Variants in AIG1 observed in about 807,000 individuals in gnomAD.
AIG1 encodes androgen induced 1, also known as androgen-induced gene 1 protein.
A neutral mutation model predicts 31.4 loss-of-function variants in AIG1; 23 were observed. The observed-to-expected ratio is 0.73, with a 90% CI of 0.53 to 1.04. AIG1 has a LOEUF of 1.04. Ranked by LOEUF, AIG1 falls within the 50% of genes least tolerant of loss-of-function variation. The pLI is 0.00. For synonymous variants in AIG1, 100 were observed against 110.5 expected (o/e 0.90, Z 0.60); for missense variants, 274 against 295.0 (o/e 0.93, Z 0.52).
chr6:143,316,955 A>C (rs1775799433), intron 4 of AIG1, among the ~76,000 whole-genome samples: 1 of 152,130 alleles, frequency 6.6e-6, no homozygotes, highest in Admixed American at 6.5e-5. Flanking sequence ...AGATTAAACC[A>C]GGAAGAAATA....
chr6:143,112,505 T>A (rs990767799), intron 1 of AIG1, among the ~76,000 whole-genome samples: 4 of 152,218 alleles, frequency 2.6e-5, no homozygotes, highest in Admixed American at 2.6e-4. Context: ...GCTCTAGAGA[T>A]GCAAAGATGA....
intron 3 of AIG1, among the ~76,000 whole-genome samples, chr6:143,215,250 A>T (rs941432032): frequency 6.6e-6 from 1 of 152,090 alleles, no homozygotes; most frequent in Non-Finnish European, 1.5e-5. Context: ...AAACATTTCC[A>T]CCCCAAAAGT....
Position 143,288,899 on chromosome 6 carries a change from A to G in AIG1, c.515+4674A>G, listed in dbSNP as rs1324593414. The stretch of plus-strand genomic sequence containing the variant: ...AAGAAGTAGTGGGTGGTTACAAGTC[A>G]TAGGTGAATTCAAAGATTTCTGTGG... On this transcript the variant is annotated intron_variant, in intron 4 of 5. Coordinates refer to ENST00000357847, the MANE Select transcript of AIG1 (RefSeq NM_016108.4). This position sits in a 1 kb window ranked among gnomAD's most constrained non-coding sequence, Gnocchi z 4.4. 1.3e-5 allele frequency among the ~76,000 whole-genome samples: 2 copies of G among 152,174 alleles called. No individual in the cohort carries two copies. The highest frequency in any genetic ancestry group is 2.9e-5 in the Non-Finnish European group (2 of 67,996).
At chr6:143,173,659 A>G (rs1787861473) in intron 3 of AIG1, among the ~76,000 whole-genome samples, 1 of 152,158 alleles carries the variant, frequency 6.6e-6, no homozygotes, top group Non-Finnish European at 1.5e-5. Flanking sequence ...ATCATTCAGG[A>G]GCAACTTCTT....
In AIG1 at chr6:143,338,085, C is replaced by T. The variant is rs775982134; in HGVS notation, c.680-1554C>T. The T allele has an allele frequency of 1.4e-4, 57 of 398,654 alleles. No individual in the cohort carries two copies. The highest frequency in any genetic ancestry group is 2.0e-4 in the Non-Finnish European group (46 of 226,118). 24.7% of individuals were successfully genotyped at this position (398,654 alleles called of 1,614,324 possible). A position where few individuals can be genotyped will look rare whatever the true frequency, so the allele number is the denominator to read the frequency against. ...ATTCCAGCACTGCTGCCAAGTCAAC[C>T]CATCTGCAGGAGAACGCTTTGGAAA... On this transcript the variant is annotated intron_variant, in intron 5 of 5. Coordinates refer to ENST00000357847, the MANE Select transcript of AIG1 (RefSeq NM_016108.4). This position sits in a 1 kb window ranked among gnomAD's most constrained non-coding sequence, Gnocchi z 4.3.
chr6:143,338,047 C>T lies in AIG1; in HGVS notation c.680-1592C>T, dbSNP rs1332662863. On this transcript the variant is annotated intron_variant, in intron 5 of 5. Coordinates refer to ENST00000357847, the MANE Select transcript of AIG1 (RefSeq NM_016108.4). The surrounding 1 kb of genome is among the most constrained non-coding windows in gnomAD (Gnocchi z 4.3). ...CAATGAATACCCCCCGTTCTCCACC[C>T]GCGCTTTTGAAGATTCCAGCACTGC... The T allele has an allele frequency of 1.8e-5, 7 of 398,532 alleles. No individual in the cohort carries two copies. Among genetic ancestry groups the T allele is most frequent in the Admixed American group, 8.8e-5 (2 of 22,718 alleles). The allele number at this position is 398,532 out of a possible 1,614,324, so 24.7% of individuals were successfully genotyped here.
At chr6:143,113,008 T>C (rs970720534) in intron 1 of AIG1, among the ~76,000 whole-genome samples, 2 of 152,120 alleles carry the variant, frequency 1.3e-5, no homozygotes, top group African/African-American at 4.8e-5. Context: ...ACTGAGATCA[T>C]AGTCCACCCT....
rs993900842 is a variant in AIG1, at chr6:143,268,487, T to C, written c.400-15623T>C. On this transcript the variant is annotated intron_variant, in intron 3 of 5. Transcript: ENST00000357847. This position sits in a 1 kb window ranked among gnomAD's most constrained non-coding sequence, Gnocchi z 5.0. ...CTGGCTAGTAAGAAAGCCAGTTATA[T>C]GTCAAGGAGGCTTATTAGCTGTGCA... Among the ~76,000 whole-genome samples the C allele has an allele frequency of 1.3e-5, 2 of 152,216 alleles. No individual in the cohort carries two copies. The highest frequency in any genetic ancestry group is 2.9e-5 in the Non-Finnish European group (2 of 68,042).
intron 1 of AIG1, among the ~76,000 whole-genome samples, chr6:143,126,033 G>A (rs1279615517): frequency 6.6e-6 from 1 of 152,196 alleles, no homozygotes; most frequent in Non-Finnish European, 1.5e-5. Flanking sequence ...CCTCAAAAAT[G>A]TTTGTGGTGA....
chr6:143,133,701 T>C (rs543042767), intron 1 of AIG1, among the ~76,000 whole-genome samples: 2 of 152,202 alleles, frequency 1.3e-5, no homozygotes, highest in South Asian at 4.1e-4. Context: ...GTTTATGGTG[T>C]GAAGGCAAAC....
At chr6:143,094,408 G>A (rs748726459) in intron 1 of AIG1, 3 of 152,162 alleles carry the variant, frequency 2.0e-5, no homozygotes, top group Non-Finnish European at 4.4e-5. Context: ...CACAAATAAA[G>A]TGTTGTAGGT....
intron 3 of AIG1, among the ~76,000 whole-genome samples, chr6:143,274,859 T>A (rs1431028337): frequency 2.0e-5 from 3 of 152,202 alleles, no homozygotes; most frequent in African/African-American, 7.2e-5. Flanking sequence ...AGAAGATAAC[T>A]ACTACATTAG....
chr6:143,243,094 G>A (rs1794362766), intron 3 of AIG1, among the ~76,000 whole-genome samples: 1 of 152,064 alleles, frequency 6.6e-6, no homozygotes, highest in Non-Finnish European at 1.5e-5. Flanking sequence ...GCTAGACGGT[G>A]TTTTTCATAC....
rs1324027368 is a variant in AIG1, at chr6:143,155,652, A to G, written c.298-9430A>G. Among the ~76,000 whole-genome samples, 6 of 152,300 alleles carry G rather than the reference A, an allele frequency of 3.9e-5. No homozygotes were observed. The South Asian group carries it at 8.3e-4, about 21-fold the overall frequency. ...AAGTGCACCATGATGGTAGCAATGGATAAAGCTTAGATTTTGAAATGGGTT... is the reference window on the plus strand; with the variant it reads ...AAGTGCACCATGATGGTAGCAATGGGTAAAGCTTAGATTTTGAAATGGGTT... On this transcript the variant is annotated intron_variant, in intron 2 of 5. Transcript: ENST00000357847.
chr6:143,208,710 C>G (rs1791335354), intron 3 of AIG1, among the ~76,000 whole-genome samples: 1 of 152,106 alleles, frequency 6.6e-6, no homozygotes, highest in African/African-American at 2.4e-5. Context: ...ATAAAACTGT[C>G]TAATCTCACA....
chr6:143,287,260 A>C (rs1797750150), intron 4 of AIG1, among the ~76,000 whole-genome samples: 1 of 152,196 alleles, frequency 6.6e-6, no homozygotes, highest in South Asian at 2.1e-4. Flanking sequence ...ATCAGGAATC[A>C]TAATGGGTAC....
At chr6:143,218,919 T>C (rs1366801099) in intron 3 of AIG1, among the ~76,000 whole-genome samples, 1 of 152,254 alleles carries the variant, frequency 6.6e-6, no homozygotes, top group Non-Finnish European at 1.5e-5. Flanking sequence ...ATTGTTGCTT[T>C]AATCCTCTTC....
chr6:143,287,406 A>G (rs755619649), intron 4 of AIG1, among the ~76,000 whole-genome samples: 2 of 152,116 alleles, frequency 1.3e-5, no homozygotes, highest in Non-Finnish European at 2.9e-5. Flanking sequence ...AGAGTACATG[A>G]CTTGCCCAGG....
At chr6:143,189,984 G>A in intron 3 of AIG1, 4 of 482,542 alleles carry the variant, frequency 8.3e-6, no homozygotes, top group Non-Finnish European at 1.1e-5. Context: ...CAGACTTCCA[G>A]CTTCTTGCTG....
Sources: gnomAD v4.1 joint callset for allele counts (sites outside exome capture counted in the v4.1 genomes callset) on GRCh38, gnomAD v4.1.1 for gene constraint, Gnocchi (gnomAD v3.1) non-coding constraint, MANE v1.5 for transcripts, NCBI Gene and HGNC (gene_info 2026-07-23, HGNC 2026-07-21) for gene names.